Variants in ARHGEF10L observed in about 807,000 individuals in gnomAD.
The protein encoded by ARHGEF10L is Rho guanine nucleotide exchange factor 10 like.
ARHGEF10L carries 69 observed loss-of-function variants against 141.2 expected under a neutral mutation model. The observed-to-expected ratio is 0.49, with a 90% CI of 0.40 to 0.60. ARHGEF10L has a LOEUF of 0.60. ARHGEF10L is among the 20% of genes least tolerant of loss of function. The pLI is 0.00. For synonymous variants in ARHGEF10L, 711 were observed against 718.5 expected (o/e 0.99, Z 0.17); for missense variants, 1,482 against 1,734.3 (o/e 0.85, Z 2.58).
rs566745926 is a variant in ARHGEF10L, at chr1:17,643,859, T to A, written c.2272+3557T>A. Among the ~76,000 whole-genome samples, 26 of 152,270 alleles carry A rather than the reference T, an allele frequency of 1.7e-4. 1 individual carries two copies. The South Asian group carries it at 5.2e-3, about 30-fold the overall frequency. On this transcript the variant is annotated intron_variant, in intron 21 of 28. Transcript: ENST00000361221. The stretch of plus-strand genomic sequence containing the variant: ...CTTTCTGAGGTCACACGCGATTTAG[T>A]ACAGGGCCAGGATATCTTCCTACCT...
At position 17,697,818 on chromosome 1, in the gene ARHGEF10L, C is replaced by A; in HGVS notation, c.*438C>A. 3.8e-6 allele frequency: 1 copy of A among 264,060 alleles called. No individual in the cohort carries two copies. The highest frequency in any genetic ancestry group is 3.7e-5 in the South Asian group (1 of 27,042). The allele number at this position is 264,060 out of a possible 1,614,324, so 16.4% of individuals were successfully genotyped here. A position where few individuals can be genotyped will look rare whatever the true frequency, so the allele number is the denominator to read the frequency against. ...TATATGTGTATAAATAAAGTCTGTA[C>A]ATATTGGAGCTCTGGGAGATGCTGG... On this transcript the variant is annotated 3_prime_UTR_variant, in exon 29 of 29. Transcript: ENST00000361221. This position sits in a 1 kb window ranked among gnomAD's most constrained non-coding sequence, Gnocchi z 4.8.
chr1:17,590,488 G>A (rs943958186), intron 4 of ARHGEF10L, among the ~76,000 whole-genome samples: 64 of 152,278 alleles, frequency 4.2e-4, no homozygotes, highest in African/African-American at 1.4e-3. Context: ...GAGGGCGGAG[G>A]GGTGTGCAGG....
In ARHGEF10L at chr1:17,539,933, C is replaced by G. The variant is rs867441556; in HGVS notation, c.-61C>G. The G allele has an allele frequency of 2.6e-5, 4 of 151,462 alleles. No individual in the cohort carries two copies. Among genetic ancestry groups the G allele is most frequent in the Non-Finnish European group, 5.9e-5 (4 of 67,824 alleles). The allele number at this position is 151,462 out of a possible 1,614,324, so 9.4% of individuals were successfully genotyped here. ...GTGAGCGGCGCGGACGACAAAGGCG[C>G]GGGCCCGGGCAGCCGAGGTGGGTGA... On this transcript the variant is annotated 5_prime_UTR_variant, in exon 1 of 29. Transcript: ENST00000361221. The surrounding 1 kb of genome is among the most constrained non-coding windows in gnomAD (Gnocchi z 6.0).
chr1:17,692,880 C>T (rs2065209833), intron 27 of ARHGEF10L, among the ~76,000 whole-genome samples: 1 of 152,176 alleles, frequency 6.6e-6, no homozygotes, highest in South Asian at 2.1e-4. Context: ...TGAGCTCATT[C>T]CTGTCACAGG....
intron 26 of ARHGEF10L, among the ~76,000 whole-genome samples, chr1:17,667,232 C>G (rs1278130044): frequency 2.0e-5 from 3 of 152,202 alleles, no homozygotes; most frequent in Non-Finnish European, 4.4e-5. Context: ...CTGGGGGTCT[C>G]CAATCTGCTG....
At chr1:17,655,833 C>T (rs1313385837) in intron 23 of ARHGEF10L, 46 bp from the exon 24 acceptor site, 2 of 1,526,700 alleles carry the variant, frequency 1.3e-6, no homozygotes, top group Non-Finnish European at 1.8e-6. Flanking sequence ...CCTCTGCTCC[C>T]TCCTGTGGTT....
Position 17,624,302 on chromosome 1 carries a change from C to T in ARHGEF10L, c.1201-85C>T, listed in dbSNP as rs546533135. ...CGCCCTTCTGCTCCCTGCCTTGAGG[C>T]GGCCTCCCTGGCCCACACCTGCCTC... is the stretch of plus-strand genomic sequence containing the variant. On this transcript the variant is annotated intron_variant, in intron 12 of 28. Coordinates refer to ENST00000361221, the MANE Select transcript of ARHGEF10L (RefSeq NM_018125.4). 1.8e-4 allele frequency: 191 copies of T among 1,046,242 alleles called. 1 individual carries two copies. The highest frequency in any genetic ancestry group is 3.7e-4 in the South Asian group (29 of 79,386). 64.8% of individuals were successfully genotyped at this position (1,046,242 alleles called of 1,614,324 possible). A position where few individuals can be genotyped will look rare whatever the true frequency, so the allele number is the denominator to read the frequency against.
intron 7 of ARHGEF10L, among the ~76,000 whole-genome samples, chr1:17,611,083 C>T (rs142100931): frequency 6.6e-5 from 10 of 152,222 alleles, no homozygotes; most frequent in African/African-American, 1.4e-4. Context: ...ATTACAGAAA[C>T]GCCAGCCCTG....
the ARHGEF10L span, among the ~76,000 whole-genome samples, chr1:17,521,003 G>A: frequency 2.0e-5 from 3 of 152,182 alleles, no homozygotes; most frequent in Admixed American, 6.5e-5. Flanking sequence ...TTTTCCACTC[G>A]GCTCTCTCCC....
the ARHGEF10L span, among the ~76,000 whole-genome samples, chr1:17,517,381 G>A: frequency 6.6e-6 from 1 of 152,158 alleles, no homozygotes; most frequent in Non-Finnish European, 1.5e-5. Context: ...CCAGGCTGGA[G>A]TGCGCAGTGG....
At chr1:17,636,451 C>T (rs1285711189) in intron 18 of ARHGEF10L, among the ~76,000 whole-genome samples, 1 of 152,150 alleles carries the variant, frequency 6.6e-6, no homozygotes, top group Non-Finnish European at 1.5e-5. Context: ...TTCAAATTAA[C>T]AGCATTAATG....
At chr1:17,610,093 G>A (rs2059466471) in intron 7 of ARHGEF10L, among the ~76,000 whole-genome samples, 1 of 152,220 alleles carries the variant, frequency 6.6e-6, no homozygotes, top group African/African-American at 2.4e-5. Context: ...TCAGAGGGAA[G>A]GAGGGATGAC....
At position 17,656,421 on chromosome 1, in the gene ARHGEF10L, C is replaced by A; in HGVS notation, c.2706-133C>A. ...AGCTCCCGCATGGTGGAGCTATGGC[C>A]TGGCCACACAGCCGAAAGGCGTGGC... On this transcript the variant is annotated intron_variant, in intron 24 of 28. Coordinates refer to ENST00000361221, the MANE Select transcript of ARHGEF10L (RefSeq NM_018125.4). This position sits in a 1 kb window ranked among gnomAD's most constrained non-coding sequence, Gnocchi z 4.9. 1 of 1,142,284 alleles carries A rather than the reference C, an allele frequency of 8.8e-7. No individual in the cohort carries two copies. The highest frequency in any genetic ancestry group is 1.3e-6 in the Non-Finnish European group (1 of 794,572). 70.8% of individuals were successfully genotyped at this position (1,142,284 alleles called of 1,614,324 possible). A position where few individuals can be genotyped will look rare whatever the true frequency, so the allele number is the denominator to read the frequency against.
intron 1 of ARHGEF10L, among the ~76,000 whole-genome samples, chr1:17,571,283 C>T (rs549625318): frequency 6.6e-6 from 1 of 152,184 alleles, no homozygotes; most frequent in Non-Finnish European, 1.5e-5. Context: ...CCGAGATGCT[C>T]CTCTCTCCCC....
chr1:17,650,732 C>CAAAAAAA (rs71575854), intron 22 of ARHGEF10L, among the ~76,000 whole-genome samples: 2 of 77,910 alleles, frequency 2.6e-5, no homozygotes, highest in Non-Finnish European at 5.0e-5. Flanking sequence ...GACCCTGTCT[C>CAAAAAAA]AAAAAAAAAA....
rs751621382 is a variant in ARHGEF10L, at chr1:17,695,273, G to A, written c.3300G>A (p.Lys1100=). Residue 1100 remains lysine (K), a synonymous_variant, in exon 28 of 29, where the codon AAG becomes AAA. Coordinates refer to ENST00000361221, the MANE Select transcript of ARHGEF10L (RefSeq NM_018125.4). ...LPVPRLEGIP[K]ITGKGMVSLN... Reference sequence around the variant, plus strand: ...TGCCTCGGCTGGAAGGCATCCCCAAGATCACAGGTGAGGCTTTGGGAGCTG... The same window carrying A: ...TGCCTCGGCTGGAAGGCATCCCCAAAATCACAGGTGAGGCTTTGGGAGCTG... 6 of 1,583,554 alleles carry A rather than the reference G, an allele frequency of 3.8e-6. No individual in the cohort carries two copies. The highest frequency in any genetic ancestry group is 5.1e-6 in the Non-Finnish European group (6 of 1,165,984).
chr1:17,600,346 C>T (rs898639973), intron 4 of ARHGEF10L, among the ~76,000 whole-genome samples: 6 of 152,254 alleles, frequency 3.9e-5, no homozygotes, highest in South Asian at 4.1e-4. Context: ...CGGTGCTGTT[C>T]TCTTGACAGT....
intron 26 of ARHGEF10L, among the ~76,000 whole-genome samples, chr1:17,684,760 G>T (rs1247846141): frequency 6.6e-6 from 1 of 152,180 alleles, no homozygotes; most frequent in Non-Finnish European, 1.5e-5. Context: ...TCAGGGGTGG[G>T]CTGTGCAGTA....
chr1:17,610,306 T>C (rs2059479714), intron 7 of ARHGEF10L, among the ~76,000 whole-genome samples: 1 of 152,196 alleles, frequency 6.6e-6, no homozygotes, highest in Admixed American at 6.5e-5. Context: ...CAAGAAATGC[T>C]GGGCTGTACT....
Sources: allele counts gnomAD v4.1 joint callset (sites outside exome capture counted in the v4.1 genomes callset), GRCh38; gene constraint gnomAD v4.1.1; non-coding constraint Gnocchi (gnomAD v3.1); transcripts MANE v1.5; gene names NCBI Gene and HGNC (gene_info 2026-07-23, HGNC 2026-07-21).